The following KMT5A variants were observed in gnomAD, a reference collection of about 807,000 sequenced individuals.
KMT5A encodes N-lysine methyltransferase KMT5A.
Under a neutral mutation model 40.6 loss-of-function variants are expected in KMT5A, and 6 were observed. The observed-to-expected ratio is 0.15, with a 90% confidence interval of 0.08 to 0.29. The LOEUF is 0.29. Among genes scored for constraint, KMT5A ranks in the 10% least tolerant of loss-of-function variants. The pLI is 1.00. For missense variants in KMT5A, 308 were observed against 459.1 expected, an observed-to-expected ratio of 0.67 and a Z score of 3.01; for synonymous variants, 153 against 178.8, an observed-to-expected ratio of 0.86 and a Z score of 1.15.
At chr12:123,391,916 A>G (rs1385403219) in intron 3 of KMT5A, among the ~76,000 whole-genome samples, 1 of 152,064 alleles carries the variant, frequency 6.6e-6, no homozygotes, top group African/African-American at 2.4e-5. Context: ...CCTGTGCTTG[A>G]TCTCCCCTGG....
At position 123,384,584 on chromosome 12, in the gene KMT5A, T is replaced by A. The variant is rs981448445; in HGVS notation, c.10+376T>A. On this transcript the variant is annotated intron_variant, in intron 1 of 7. Transcript: ENST00000402868. This position sits in a 1 kb window ranked among gnomAD's most constrained non-coding sequence, Gnocchi z 5.7. ...GGGGCAGGAGTGAGGCTTCGCCCAC[T>A]TTGGGGCCCTCTCTCTTTGGGAAAG... is the stretch of plus-strand genomic sequence containing the variant. 6.6e-6 allele frequency among the ~76,000 whole-genome samples: 1 copy of A among 152,256 alleles called. No homozygotes were observed. Among genetic ancestry groups the A allele is most frequent in the African/African-American group, 2.4e-5 (1 of 41,476 alleles).
intron 7 of KMT5A, 120 bp from the exon 8 acceptor site, chr12:123,407,373 C>A: frequency 1.0e-6 from 1 of 981,184 alleles, no homozygotes; most frequent in Non-Finnish European, 1.5e-6. Flanking sequence ...TGAATTGAAT[C>A]TTTTCAAAAC....
At chr12:123,393,339 AC>A (rs1449074100) in intron 3 of KMT5A, among the ~76,000 whole-genome samples, 1 of 152,104 alleles carries the variant, frequency 6.6e-6, no homozygotes, top group Non-Finnish European at 1.5e-5. Context: ...CCAGAAAGGT[AC>A]CCATTAGGCG....
intron 7 of KMT5A, among the ~76,000 whole-genome samples, chr12:123,406,844 C>T (rs777098997): frequency 2.0e-5 from 3 of 151,654 alleles, no homozygotes; most frequent in Non-Finnish European, 4.4e-5. Flanking sequence ...TGGCAAAACC[C>T]CATCTCTACT....
chr12:123,390,033 G>A (rs1399281690), intron 2 of KMT5A: 3 of 466,000 alleles, frequency 6.4e-6, no homozygotes, highest in Non-Finnish European at 1.3e-5. Flanking sequence ...TTGCGACAAA[G>A]TGGCCGCCCC....
intron 6 of KMT5A, 125 bp downstream of exon 6, chr12:123,403,757 C>A: frequency 9.7e-7 from 1 of 1,025,656 alleles, no homozygotes; most frequent in Non-Finnish European, 1.5e-6. Flanking sequence ...ACCAGGCAGA[C>A]TCTATTAGGT....
intron 6 of KMT5A, 83 bp from the exon 7 acceptor site, chr12:123,404,801 A>G: frequency 7.3e-7 from 1 of 1,368,430 alleles, no homozygotes; most frequent in East Asian, 2.3e-5. Flanking sequence ...AGACTGGGGT[A>G]AGCCCCAGCT....
Position 123,407,660 on chromosome 12 carries a change from G to A in KMT5A, c.1016G>A (p.Arg339His). The change falls in exon 8 of 8, where the codon CGC becomes CAC. Residue 339 changes from arginine (R) to histidine (H), a missense_variant. Arg to His is a conservative substitution (Grantham distance 29). Coordinates refer to ENST00000402868, the MANE Select transcript of KMT5A (RefSeq NM_020382.7). ...GEELLYDYGD[R>H]SKASIEAHPW... is the part of the protein sequence containing the mutation. ...GAGCTCCTGTATGACTATGGGGACC[G>A]CAGCAAGGCTTCCATTGAAGCCCAC... 6.2e-7 allele frequency: 1 copy of A among 1,613,732 alleles called. No individual in the cohort carries two copies. The highest frequency in any genetic ancestry group is 8.5e-7 in the Non-Finnish European group (1 of 1,179,804).
Position 123,395,154 on chromosome 12 carries a change from G to C in KMT5A, c.397G>C (p.Glu133Gln). ...GGTACCTTTTCCAAACCAAAAATCT[G>C]AAGCAGCAGAACCTCCAAAAACTCC... ...PLVPFPNQKS[E>Q]AAEPPKTPPS... Residue 133 changes from glutamate to glutamine, a missense_variant, in exon 4 of 8, where the codon GAA (glutamate) becomes CAA (glutamine). Physicochemically the swap from Glu to Gln is conservative, Grantham distance 29. Around this residue, in one of 4 missense-constraint regions of KMT5A, gnomAD observed 127 missense variants for 129.8 expected, o/e 0.98. Transcript: ENST00000402868. 1.2e-6 allele frequency: 2 copies of C among 1,611,488 alleles called. No individual in the cohort carries two copies. The highest frequency in any genetic ancestry group is 1.7e-6 in the Non-Finnish European group (2 of 1,178,808).
intron 3 of KMT5A, chr12:123,391,439 C>A (rs550720948): frequency 6.6e-6 from 1 of 152,518 alleles, no homozygotes; most frequent in African/African-American, 2.4e-5. Flanking sequence ...AGGTGATCCA[C>A]CTGCCTTGGC....
chr12:123,394,345 C>T (rs1046699219), intron 3 of KMT5A, among the ~76,000 whole-genome samples: 6 of 152,072 alleles, frequency 3.9e-5, no homozygotes, highest in Non-Finnish European at 7.4e-5. Context: ...TCAGGTGATC[C>T]GCCAGCCTCG....
chr12:123,399,193 A>G (rs140779792), intron 5 of KMT5A, among the ~76,000 whole-genome samples: 1 of 152,400 alleles, frequency 6.6e-6, no homozygotes, highest in African/African-American at 2.4e-5. Flanking sequence ...CAGATGTGCA[A>G]GCAGCCTGCT....
At chr12:123,403,543 C>A in intron 5 of KMT5A, 30 bp from the exon 6 acceptor site, 1 of 1,612,976 alleles carries the variant, frequency 6.2e-7, no homozygotes. Flanking sequence ...GGAGAAGATA[C>A]TGATGCTGTT....
Position 123,395,252 on chromosome 12 carries a change from G to A in KMT5A, c.495G>A (p.Gln165=), listed in dbSNP as rs1277996113. The A allele has an allele frequency of 4.3e-6, 7 of 1,612,912 alleles. No individual in the cohort carries two copies. The Admixed American group carries it at 1.0e-4, about 23-fold the overall frequency. ...QALKKPIKGK[Q]APRKKAQGKT... is the part of the protein sequence containing the mutation. Reference sequence around the variant, plus strand: ...TGAAAAAGCCCATCAAGGGCAAACAGGCCCCCCGAAAAAAGTAAGTGCCCC... The same window carrying A: ...TGAAAAAGCCCATCAAGGGCAAACAAGCCCCCCGAAAAAAGTAAGTGCCCC... Residue 165 remains glutamine (Q), a synonymous_variant, in exon 4 of 8, where the codon CAG becomes CAA. Transcript: ENST00000402868.
At chr12:123,403,767 T>TC in intron 6 of KMT5A, 135 bp downstream of exon 6, 1 of 901,598 alleles carries the variant, frequency 1.1e-6, no homozygotes, top group Non-Finnish European at 1.7e-6. Flanking sequence ...CTCTATTAGG[T>TC]TGTCAAAGAG....
intron 4 of KMT5A, among the ~76,000 whole-genome samples, 191 bp from the exon 5 acceptor site, chr12:123,396,154 G>A (rs1009132060): frequency 3.3e-5 from 5 of 152,142 alleles, no homozygotes; most frequent in South Asian, 2.1e-4. Flanking sequence ...CCAGCAGCCC[G>A]TCTTTGAAAC....
intron 6 of KMT5A, among the ~76,000 whole-genome samples, chr12:123,404,007 C>A (rs1878361610): frequency 6.6e-6 from 1 of 152,138 alleles, no homozygotes; most frequent in African/African-American, 2.4e-5. Context: ...ACCATCCCCA[C>A]CTCTCCCCTG....
chr12:123,393,144 C>T (rs1877434325), intron 3 of KMT5A, among the ~76,000 whole-genome samples: 2 of 152,202 alleles, frequency 1.3e-5, no homozygotes, highest in South Asian at 2.1e-4. Flanking sequence ...TCCCAAAGTG[C>T]TGGGATTACA....
rs146874808 is a variant in KMT5A, at chr12:123,393,516, G to T, written c.290-1531G>T. The stretch of plus-strand genomic sequence containing the variant: ...CATCATGTCTTCAAGGTTCATCCGC[G>T]GTGTAATAAGTATCAGTGCTTCATT... On this transcript the variant is annotated intron_variant, in intron 3 of 7. Coordinates refer to ENST00000402868, the MANE Select transcript of KMT5A (RefSeq NM_020382.7). Among the ~76,000 whole-genome samples the T allele has an allele frequency of 2.0e-3, 304 of 152,050 alleles. 1 individual carries two copies. The highest frequency in any genetic ancestry group is 3.4e-3 in the Middle Eastern group (1 of 292).
Sources: gnomAD v4.1 joint callset for allele counts (sites outside exome capture counted in the v4.1 genomes callset) on GRCh38, gnomAD v4.1.1 for gene constraint, gnomAD v4.1.1 regional missense constraint, Gnocchi (gnomAD v3.1) non-coding constraint, MANE v1.5 for transcripts, NCBI Gene and HGNC (gene_info 2026-07-23, HGNC 2026-07-21) for gene names.